The following PRKAR1B variants were observed in gnomAD, a reference collection of about 807,000 sequenced individuals.
The protein encoded by PRKAR1B is protein kinase cAMP-dependent type I regulatory subunit beta.
In PRKAR1B, 22 loss-of-function variants were observed where a neutral mutation model predicts 46.5. The observed-to-expected ratio is 0.47, with a 90% CI of 0.34 to 0.68. The LOEUF (loss-of-function observed/expected upper bound fraction) is 0.68. PRKAR1B is among the 30% of genes least tolerant of loss of function. PRKAR1B has a pLI of 0.01. For missense variants in PRKAR1B, 445 were observed against 535.6 expected, an observed-to-expected ratio of 0.83 and a Z score of 1.67; for synonymous variants, 259 against 217.7, an observed-to-expected ratio of 1.19 and a Z score of -1.67.
At chr7:569,562 C>G (rs539275602) in intron 9 of PRKAR1B, among the ~76,000 whole-genome samples, 3 of 152,300 alleles carry the variant, frequency 2.0e-5, no homozygotes, top group Non-Finnish European at 2.9e-5. Flanking sequence ...AGGGGGCATG[C>G]AGCCCCTCCC....
chr7:569,117 A>G (rs1001209286), intron 9 of PRKAR1B, among the ~76,000 whole-genome samples: 1 of 151,918 alleles, frequency 6.6e-6, no homozygotes, highest in Non-Finnish European at 1.5e-5. Context: ...CACTTGTCAA[A>G]GGAACCACAC....
intron 9 of PRKAR1B, chr7:565,282 T>G (rs1172133693): frequency 6.6e-6 from 1 of 152,234 alleles, no homozygotes; most frequent in African/African-American, 2.4e-5. Flanking sequence ...TCTGGAAATC[T>G]GGGACACCAA....
At chr7:553,251 G>T (rs1350913447) in intron 9 of PRKAR1B, among the ~76,000 whole-genome samples, 1 of 152,166 alleles carries the variant, frequency 6.6e-6, no homozygotes, top group African/African-American at 2.4e-5. Flanking sequence ...CCGGGGAAAC[G>T]GTCTGTCCTC....
chr7:573,008 G>A (rs946026269), intron 9 of PRKAR1B, among the ~76,000 whole-genome samples: 2 of 152,118 alleles, frequency 1.3e-5, no homozygotes, highest in Non-Finnish European at 2.9e-5. Flanking sequence ...AGCGCCTGCC[G>A]AGAAGCCGCC....
chr7:588,884 GAC>G, intron 7 of PRKAR1B, among the ~76,000 whole-genome samples: 1 of 35,506 alleles, frequency 2.8e-5, no homozygotes, highest in Admixed American at 2.7e-4. Context: ...TGAGGATAGT[GAC>G]AGTGGTGGTG....
At chr7:723,515 G>C (rs1190216245) in intron 1 of PRKAR1B, among the ~76,000 whole-genome samples, 1 of 152,188 alleles carries the variant, frequency 6.6e-6, no homozygotes, top group Non-Finnish European at 1.5e-5. Context: ...CTCGTCGCCT[G>C]CTATGTGCAG....
chr7:554,895 TG>T (rs1778326843), intron 9 of PRKAR1B, among the ~76,000 whole-genome samples: 2 of 152,200 alleles, frequency 1.3e-5, no homozygotes, highest in South Asian at 4.1e-4. Context: ...GCCCATTTCA[TG>T]GCTCGGAGGT....
chr7:596,737 C>T (rs142874868), intron 6 of PRKAR1B, among the ~76,000 whole-genome samples: 3 of 152,360 alleles, frequency 2.0e-5, no homozygotes, highest in Non-Finnish European at 2.9e-5. Flanking sequence ...GTGATCCCCA[C>T]GGGGCTCTGC....
chr7:575,418 C>T (rs1380810980), intron 9 of PRKAR1B, among the ~76,000 whole-genome samples: 1 of 152,238 alleles, frequency 6.6e-6, no homozygotes, highest in Non-Finnish European at 1.5e-5. Context: ...TAACCTACGA[C>T]ATCATTCCAC....
At chr7:559,572 T>TA (rs1194303970) in intron 9 of PRKAR1B, among the ~76,000 whole-genome samples, 1 of 152,076 alleles carries the variant, frequency 6.6e-6, no homozygotes, top group African/African-American at 2.4e-5. Flanking sequence ...GCTGTGCTCA[T>TA]AGCCCAGACC....
At chr7:664,267 GA>G (rs1161954887) in intron 4 of PRKAR1B, among the ~76,000 whole-genome samples, 1 of 152,206 alleles carries the variant, frequency 6.6e-6, no homozygotes, top group Non-Finnish European at 1.5e-5. Flanking sequence ...GTCGGAATGT[GA>G]AAGCTGGTGC....
chr7:711,561 G>A (rs1562359690), intron 1 of PRKAR1B, 34 bp from the exon 2 acceptor site: 2 of 1,586,790 alleles, frequency 1.3e-6, no homozygotes, highest in East Asian at 2.2e-5. Flanking sequence ...CCAGGCCTGA[G>A]AGCTGCCCGG....
intron 4 of PRKAR1B, among the ~76,000 whole-genome samples, chr7:620,016 A>AT (rs1783029905): frequency 1.0e-5 from 1 of 98,322 alleles, no homozygotes; most frequent in Non-Finnish European, 2.1e-5. Flanking sequence ...ATACCCAGCT[A>AT]CTTTTTTTTT....
At chr7:576,069 C>CA (rs1779805897) in intron 9 of PRKAR1B, among the ~76,000 whole-genome samples, 2 of 151,678 alleles carry the variant, frequency 1.3e-5, no homozygotes, top group Non-Finnish European at 2.9e-5. Context: ...ACACAGGCAT[C>CA]CTCTCCTCTG....
At chr7:620,694 A>G (rs1783065049) in intron 4 of PRKAR1B, among the ~76,000 whole-genome samples, 1 of 152,220 alleles carries the variant, frequency 6.6e-6, no homozygotes, top group South Asian at 2.1e-4. Context: ...TAAGAATGTA[A>G]GAGTTGTTCT....
Position 550,536 on chromosome 7 carries a change from C to G in PRKAR1B, c.1040G>C (p.Cys347Ser). The G allele has an allele frequency of 6.2e-7, 1 of 1,605,970 alleles. No homozygotes were observed. The highest frequency in any genetic ancestry group is 8.5e-7 in the Non-Finnish European group (1 of 1,176,794). The stretch of plus-strand genomic sequence containing the variant: ...GAAGCGGGGCCGGTCCAGCTTCACA[C>G]ACTTGAGGGGCCCCCGGGCCACGAC... ...ATVVARGPLK[C>S]VKLDRPRFER... The change falls in exon 11 of 11, where the codon TGT becomes TCT. Residue 347 changes from cysteine (C) to serine (S), a missense_variant. By Grantham distance (112) the Cys-to-Ser change is moderately radical. This residue lies in a region of PRKAR1B where 127 missense variants were observed against 138.0 expected (regional missense o/e 0.92). Coordinates refer to ENST00000537384, the MANE Select transcript of PRKAR1B (RefSeq NM_001164760.2).
intron 4 of PRKAR1B, among the ~76,000 whole-genome samples, chr7:643,413 C>A (rs2128486123): frequency 6.6e-6 from 1 of 151,584 alleles, no homozygotes; most frequent in Non-Finnish European, 1.5e-5. Flanking sequence ...CGATCCTTCG[C>A]AGCTCACTCA....
In PRKAR1B at chr7:568,815, GGGACCTT is replaced by G. The variant is rs1234061744; in HGVS notation, c.891+10434_891+10440del. ...GCCAGGAATCTGGTCAGGGTAATCC[GGGACCTT>G]GGAACCAGCCACTGCATTCCACATC... is the stretch of plus-strand genomic sequence containing the variant. On this transcript the variant is annotated intron_variant, in intron 9 of 10. Transcript: ENST00000537384. Among the ~76,000 whole-genome samples the G allele has an allele frequency of 9.2e-5, 14 of 152,354 alleles. No homozygotes were observed. In the East Asian group the frequency reaches 2.7e-3, roughly 29 times the overall value.
In PRKAR1B at chr7:666,342, G is replaced by C. The variant is rs1430011801; in HGVS notation, c.440+10887C>G. 6.6e-6 allele frequency among the ~76,000 whole-genome samples: 1 copy of C among 150,650 alleles called. No homozygotes were observed. Among genetic ancestry groups the C allele is most frequent in the East Asian group, 2.4e-4 (1 of 4,234 alleles). On this transcript the variant is annotated intron_variant, in intron 4 of 10. Coordinates refer to ENST00000537384, the MANE Select transcript of PRKAR1B (RefSeq NM_001164760.2). This position sits in a 1 kb window ranked among gnomAD's most constrained non-coding sequence, Gnocchi z 4.9. ...GCCTTCATGGTCCTGGCACATCAGA[G>C]AGCTCCGGAGCACGCGGGGCTGCTT...
Sources: gnomAD v4.1 joint callset for allele counts (sites outside exome capture counted in the v4.1 genomes callset) on GRCh38, gnomAD v4.1.1 for gene constraint, gnomAD v4.1.1 regional missense constraint, Gnocchi (gnomAD v3.1) non-coding constraint, MANE v1.5 for transcripts, NCBI Gene and HGNC (gene_info 2026-07-23, HGNC 2026-07-21) for gene names.